Variants in AUTS2 observed in about 807,000 individuals in gnomAD.
The protein encoded by AUTS2 is activator of transcription and developmental regulator AUTS2, also known as autism susceptibility gene 2 protein.
In AUTS2, 17 loss-of-function variants were observed where a neutral mutation model predicts 112.4. That is an observed-to-expected ratio of 0.15 (90% CI 0.10 to 0.23). The LOEUF (loss-of-function observed/expected upper bound fraction) is 0.23, where lower values mean the gene tolerates loss of function less well. Among genes scored for constraint, AUTS2 ranks in the 10% least tolerant of loss-of-function variants. AUTS2 has a pLI of 1.00. For synonymous variants in AUTS2, 751 were observed against 702.7 expected, an observed-to-expected ratio of 1.07 and a Z score of -1.09; for missense variants, 1,510 against 1,701.6, an observed-to-expected ratio of 0.89 and a Z score of 1.98.
intron 5 of AUTS2, among the ~76,000 whole-genome samples, chr7:70,534,356 A>G (rs1235627485): frequency 1.3e-5 from 2 of 152,194 alleles, no homozygotes; most frequent in Middle Eastern, 3.2e-3. Context: ...CATGTCAAAC[A>G]TAGGCAAGAC....
chr7:69,903,221 A>G (rs1293679450), intron 2 of AUTS2, among the ~76,000 whole-genome samples: 2 of 152,198 alleles, frequency 1.3e-5, no homozygotes, highest in South Asian at 2.1e-4. Context: ...CCAAGTCACA[A>G]TGAAACCACT....
chr7:70,609,410 T>C (rs1803952658), intron 5 of AUTS2, among the ~76,000 whole-genome samples: 1 of 132,178 alleles, frequency 7.6e-6, no homozygotes, highest in Non-Finnish European at 1.6e-5. Context: ...TTTTTTTTTT[T>C]CCGAGACAGA....
chr7:70,768,398 G>A (rs190120662), intron 10 of AUTS2, among the ~76,000 whole-genome samples: 1 of 152,310 alleles, frequency 6.6e-6, no homozygotes, highest in East Asian at 1.9e-4. Context: ...CATTTCAGTC[G>A]TCAGTTGAAA....
At chr7:69,790,589 C>T (rs1296503436) in intron 1 of AUTS2, among the ~76,000 whole-genome samples, 2 of 152,202 alleles carry the variant, frequency 1.3e-5, no homozygotes, top group African/African-American at 4.8e-5. Flanking sequence ...TCAGTTTTCT[C>T]ACCTGAAAAA....
intron 2 of AUTS2, among the ~76,000 whole-genome samples, chr7:70,088,702 T>G (rs1447794963): frequency 6.6e-6 from 1 of 151,782 alleles, no homozygotes. Context: ...AACCTCCGCC[T>G]CCCAGGTTCA....
At chr7:70,714,806 A>C (rs911697626) in intron 6 of AUTS2, among the ~76,000 whole-genome samples, 1 of 152,212 alleles carries the variant, frequency 6.6e-6, no homozygotes, top group African/African-American at 2.4e-5. Context: ...CTGGCAAGAA[A>C]ACTTCATAGG....
At chr7:69,614,351 T>TCTTC (rs1246731988) in intron 1 of AUTS2, among the ~76,000 whole-genome samples, 3 of 80,482 alleles carry the variant, frequency 3.7e-5, no homozygotes, top group East Asian at 4.5e-4. Context: ...TTTCTTTCTT[T>TCTTC]CTTTCTTTCT....
intron 5 of AUTS2, among the ~76,000 whole-genome samples, chr7:70,565,135 T>C (rs1288654127): frequency 1.3e-5 from 2 of 152,098 alleles, no homozygotes; most frequent in Non-Finnish European, 2.9e-5. Context: ...GAACTCTACA[T>C]AGTAATAGTT....
At chr7:70,341,453 T>G (rs930233510) in intron 4 of AUTS2, among the ~76,000 whole-genome samples, 5 of 152,340 alleles carry the variant, frequency 3.3e-5, no homozygotes, top group African/African-American at 1.2e-4. Context: ...TGTGTAGGCA[T>G]TTTGTAAATG....
At chr7:70,522,131 C>T (rs1021442228) in intron 5 of AUTS2, among the ~76,000 whole-genome samples, 3 of 152,064 alleles carry the variant, frequency 2.0e-5, no homozygotes, top group Middle Eastern at 3.2e-3. Flanking sequence ...GTAGGTGTGA[C>T]GTTTAAACCA....
In AUTS2 at chr7:70,216,783, G is replaced by A. The variant is rs1221710238; in HGVS notation, c.660+82212G>A. ...ATTACATACCCTTTATTCCCTGTCT[G>A]CTGTCATGATCTTACTTTCCCAGTC... On this transcript the variant is annotated intron_variant, in intron 4 of 18. Transcript: ENST00000342771. 5.3e-5 allele frequency among the ~76,000 whole-genome samples: 8 copies of A among 152,272 alleles called. No individual in the cohort carries two copies. The East Asian group carries it at 1.5e-3, about 29-fold the overall frequency.
At chr7:69,690,101 T>C (rs537313704) in intron 1 of AUTS2, among the ~76,000 whole-genome samples, 2 of 152,362 alleles carry the variant, frequency 1.3e-5, no homozygotes, top group Admixed American at 1.3e-4. Flanking sequence ...AATTTTACTT[T>C]TTTGGTCTGT....
intron 5 of AUTS2, chr7:70,437,837 CAAAAAAAAAA>C (rs35975127): frequency 0.042 from 2,772 of 66,148 alleles, 31 homozygotes; most frequent in Middle Eastern, 0.14. Flanking sequence ...GAGATTCCAT[CAAAAAAAAAA>C]AAAAAAAAAA....
chr7:69,658,142 C>T (rs894572188), intron 1 of AUTS2, among the ~76,000 whole-genome samples: 9 of 152,240 alleles, frequency 5.9e-5, no homozygotes, highest in African/African-American at 1.2e-4. Context: ...CATTCATTTA[C>T]GTTATTGCCT....
At chr7:69,914,441 G>A (rs1277703198) in intron 2 of AUTS2, among the ~76,000 whole-genome samples, 1 of 150,174 alleles carries the variant, frequency 6.7e-6, no homozygotes, top group Non-Finnish European at 1.5e-5. Flanking sequence ...TTCTCTCTCT[G>A]GGGATATGCA....
At chr7:70,504,744 G>A (rs1798898592) in intron 5 of AUTS2, among the ~76,000 whole-genome samples, 1 of 152,180 alleles carries the variant, frequency 6.6e-6, no homozygotes, top group African/African-American at 2.4e-5. Flanking sequence ...TCTAAGACAA[G>A]CCAGAATCTT....
At chr7:70,767,954 G>A in intron 9 of AUTS2, 70 bp from the exon 10 acceptor site, 1 of 1,487,966 alleles carries the variant, frequency 6.7e-7, no homozygotes, top group Non-Finnish European at 9.3e-7. Context: ...GCTTTGTAGG[G>A]CCACCTCCAC....
intron 5 of AUTS2, among the ~76,000 whole-genome samples, chr7:70,446,667 G>A (rs562967851): frequency 5.3e-5 from 8 of 152,264 alleles, no homozygotes; most frequent in East Asian, 3.9e-4. Flanking sequence ...TGCCATAACC[G>A]AGTATGACAT....
At chr7:69,652,174 C>G (rs1795321635) in intron 1 of AUTS2, among the ~76,000 whole-genome samples, 1 of 152,062 alleles carries the variant, frequency 6.6e-6, no homozygotes, top group Admixed American at 6.6e-5. Context: ...CTCTTATACT[C>G]TCTATGGTGG....
Sources: allele counts gnomAD v4.1 joint callset (sites outside exome capture counted in the v4.1 genomes callset), GRCh38; gene constraint gnomAD v4.1.1; transcripts MANE v1.5; gene names NCBI Gene and HGNC (gene_info 2026-07-23, HGNC 2026-07-21).